The following KANK1 variants were observed in gnomAD, a reference collection of about 807,000 sequenced individuals.
KANK1 encodes KN motif and ankyrin repeat domain-containing protein 1.
Under a neutral mutation model 106.2 loss-of-function variants are expected in KANK1, and 109 were observed. The ratio of observed to expected loss-of-function variants is 1.03; its 90% CI spans 0.88 to 1.20. The LOEUF is 1.20. Among genes scored for constraint, KANK1 ranks in the 50% most tolerant of loss-of-function variants. The probability of loss-of-function intolerance (pLI) is 0.00; values close to 1 mark genes in which losing one functional copy is unlikely to be tolerated. For synonymous variants in KANK1, 873 were observed against 652.2 expected (o/e 1.34, Z -5.16); for missense variants, 2,399 against 1,710.7 (o/e 1.40, Z -7.10).
At chr9:606,174 CACACACA>C (rs1563847407) in intron 1 of KANK1, among the ~76,000 whole-genome samples, 20 of 145,884 alleles carry the variant, frequency 1.4e-4, no homozygotes, top group African/African-American at 5.0e-4. Context: ...CACACACACA[CACACACA>C]CCACTCACAC....
intron 1 of KANK1, among the ~76,000 whole-genome samples, chr9:594,435 A>T (rs1825737538): frequency 6.6e-6 from 1 of 151,816 alleles, no homozygotes; most frequent in Non-Finnish European, 1.5e-5. Flanking sequence ...TACCAGAAGG[A>T]TGGATGATTA....
chr9:634,850 C>G (rs1836695335), intron 1 of KANK1, among the ~76,000 whole-genome samples: 1 of 152,106 alleles, frequency 6.6e-6, no homozygotes, highest in African/African-American at 2.4e-5. Context: ...CATTAGGGGC[C>G]CAGGTTCTTA....
At chr9:557,231 AC>A (rs2061650221) in intron 1 of KANK1, among the ~76,000 whole-genome samples, 1 of 152,080 alleles carries the variant, frequency 6.6e-6, no homozygotes, top group African/African-American at 2.4e-5. Context: ...TTATAAATGC[AC>A]ACTGATGTTC....
chr9:512,265 A>C (rs2059066254), intron 1 of KANK1, among the ~76,000 whole-genome samples: 1 of 148,274 alleles, frequency 6.7e-6, no homozygotes, highest in Non-Finnish European at 1.5e-5. Flanking sequence ...ATATACACAC[A>C]CACAAGATTT....
chr9:510,248 T>C (rs923895626), intron 1 of KANK1, among the ~76,000 whole-genome samples: 14 of 152,196 alleles, frequency 9.2e-5, no homozygotes, highest in African/African-American at 3.1e-4. Flanking sequence ...TTTGTGGCAA[T>C]TTCATTTAGG....
chr9:735,014 C>T (rs1833389691), intron 7 of KANK1, among the ~76,000 whole-genome samples, 179 bp downstream of exon 7: 1 of 152,196 alleles, frequency 6.6e-6, no homozygotes, highest in Non-Finnish European at 1.5e-5. Context: ...ACACTGCCAG[C>T]GTTTCCTTGA....
At chr9:556,606 T>G (rs924333920) in intron 1 of KANK1, among the ~76,000 whole-genome samples, 3 of 152,256 alleles carry the variant, frequency 2.0e-5, no homozygotes, top group Admixed American at 6.5e-5. Context: ...AAAGTGAGAT[T>G]TTTAAAGCTA....
intron 1 of KANK1, among the ~76,000 whole-genome samples, chr9:656,579 A>G (rs371080097): frequency 6.6e-6 from 1 of 151,864 alleles, no homozygotes; most frequent in Non-Finnish European, 1.5e-5. Flanking sequence ...TTTTTCAGTC[A>G]TTTCCCATTT....
chr9:532,468 A>G (rs554912763), intron 1 of KANK1, among the ~76,000 whole-genome samples: 1 of 145,328 alleles, frequency 6.9e-6, no homozygotes, highest in South Asian at 2.2e-4. Context: ...ATCACCATCC[A>G]TCTCCAGAAC....
At chr9:724,144 T>TG (rs1425744576) in intron 3 of KANK1, among the ~76,000 whole-genome samples, 1 of 152,182 alleles carries the variant, frequency 6.6e-6, no homozygotes, top group Non-Finnish European at 1.5e-5. Flanking sequence ...GACTGGATTA[T>TG]GTGATAATCA....
intron 1 of KANK1, among the ~76,000 whole-genome samples, chr9:647,845 A>G (rs1840027535): frequency 6.6e-6 from 1 of 150,478 alleles, no homozygotes; most frequent in Non-Finnish European, 1.5e-5. Flanking sequence ...TAATTTTGGG[A>G]AAGTGTTTTT....
chr9:537,270 G>A (rs755803328), intron 1 of KANK1, among the ~76,000 whole-genome samples: 6 of 152,152 alleles, frequency 3.9e-5, no homozygotes, highest in African/African-American at 9.7e-5. Flanking sequence ...ATGTTACTGA[G>A]CAGGGTTCCC....
chr9:488,045 T>A (rs2058322220), intron 3 of KANK1, among the ~76,000 whole-genome samples: 1 of 152,234 alleles, frequency 6.6e-6, no homozygotes, highest in African/African-American at 2.4e-5. Context: ...TCCCAAGCTC[T>A]CATTTCTAGG....
intron 1 of KANK1, among the ~76,000 whole-genome samples, chr9:506,132 AAAAG>A (rs1345507112): frequency 6.6e-6 from 1 of 152,168 alleles, no homozygotes; most frequent in Non-Finnish European, 1.5e-5. Flanking sequence ...GTTGCCCCCA[AAAAG>A]AACCCCTATA....
At chr9:689,076 T>G (rs1473808253) in intron 2 of KANK1, among the ~76,000 whole-genome samples, 2 of 152,348 alleles carry the variant, frequency 1.3e-5, no homozygotes, top group African/African-American at 4.8e-5. Context: ...TATTTAGTTC[T>G]GTGTCCCCCC....
intron 1 of KANK1, among the ~76,000 whole-genome samples, chr9:524,651 G>A (rs1185537121): frequency 6.6e-6 from 1 of 151,502 alleles, no homozygotes; most frequent in Non-Finnish European, 1.5e-5. Context: ...CCAGGTAGCT[G>A]GGATTACAGG....
At chr9:522,679 T>A (rs754598032) in intron 1 of KANK1, among the ~76,000 whole-genome samples, 21 of 151,772 alleles carry the variant, frequency 1.4e-4, no homozygotes, top group Non-Finnish European at 2.6e-4. Context: ...GACTTCATGC[T>A]GACTTTTGGG....
chr9:708,739 A>G (rs1374388662), intron 2 of KANK1, among the ~76,000 whole-genome samples: 1 of 152,194 alleles, frequency 6.6e-6, no homozygotes, highest in East Asian at 1.9e-4. Context: ...CAAACTGGAC[A>G]GCAGTCAAGT....
At chr9:620,448 G>C (rs962919786) in intron 1 of KANK1, among the ~76,000 whole-genome samples, 2 of 151,972 alleles carry the variant, frequency 1.3e-5, no homozygotes, top group Non-Finnish European at 2.9e-5. Context: ...ACCCGGGCTG[G>C]AGAACAATGA....
Sources: allele counts gnomAD v4.1 joint callset (sites outside exome capture counted in the v4.1 genomes callset), GRCh38; gene constraint gnomAD v4.1.1; transcripts MANE v1.5; gene names NCBI Gene and HGNC (gene_info 2026-07-23, HGNC 2026-07-21).